CHD6: variants seen among roughly 807,000 people sequenced by gnomAD.
CHD6 encodes ATP-dependent chromatin remodeler CHD6.
CHD6 carries 50 observed loss-of-function variants against 276.9 expected under a neutral mutation model. The ratio of observed to expected loss-of-function variants is 0.18; its 90% CI spans 0.14 to 0.23. CHD6 has a LOEUF of 0.23. CHD6 is among the 10% of genes least tolerant of loss of function. The pLI, the probability that CHD6 is intolerant of heterozygous loss-of-function variation, is 1.00. For synonymous variants in CHD6, 1,173 were observed against 1,229.3 expected, an observed-to-expected ratio of 0.95 and a Z score of 0.96; for missense variants, 2,564 against 3,365.8, an observed-to-expected ratio of 0.76 and a Z score of 5.89.
chr20:41,510,503 A>G (rs866339740), intron 5 of CHD6, among the ~76,000 whole-genome samples: 18 of 152,340 alleles, frequency 1.2e-4, no homozygotes, highest in Middle Eastern at 6.8e-3. Context: ...ACCATGAATC[A>G]GGCCTCTCTC....
intron 16 of CHD6, among the ~76,000 whole-genome samples, chr20:41,480,174 T>C (rs1472311741): frequency 1.3e-5 from 2 of 151,944 alleles, no homozygotes; most frequent in African/African-American, 4.8e-5. Context: ...AGATCTGATT[T>C]AAGAGGAAAA....
At chr20:41,554,328 G>A (rs2045188907) in intron 1 of CHD6, among the ~76,000 whole-genome samples, 1 of 152,294 alleles carries the variant, frequency 6.6e-6, no homozygotes, top group South Asian at 2.1e-4. Context: ...ACACTGCCAG[G>A]AATGTGGGAA....
chr20:41,481,016 A>G (rs1385561766), intron 16 of CHD6, among the ~76,000 whole-genome samples: 1 of 152,002 alleles, frequency 6.6e-6, no homozygotes, highest in Non-Finnish European at 1.5e-5. Context: ...GGAGGCTGAG[A>G]TGGGAGGACC....
intron 2 of CHD6, among the ~76,000 whole-genome samples, chr20:41,538,790 A>C (rs1338214407): frequency 2.6e-5 from 4 of 152,312 alleles, no homozygotes; most frequent in African/African-American, 9.6e-5. Context: ...TTGCCTCAAC[A>C]TCCATTTTGG....
At chr20:41,615,780 T>C (rs1199256384) in intron 1 of CHD6, among the ~76,000 whole-genome samples, 2 of 152,226 alleles carry the variant, frequency 1.3e-5, no homozygotes, top group Non-Finnish European at 2.9e-5. Context: ...ATGAAAAACA[T>C]AGGCACCTAC....
rs1198024304 is a variant in CHD6 at position 41,445,549 on chromosome 20, T to C, written c.3877+116A>G. 1.2e-5 allele frequency: 8 copies of C among 644,980 alleles called. No homozygotes were observed. In the Admixed American group the frequency reaches 1.5e-4, roughly 12 times the overall value. 40.0% of individuals were successfully genotyped at this position (644,980 alleles called of 1,614,324 possible). On this transcript the variant is annotated intron_variant, in intron 25 of 36. Coordinates refer to ENST00000373233, the MANE Select transcript of CHD6 (RefSeq NM_032221.5). ...GTGAAGCTCTACTTTTTAAGATGAA[T>C]GTGTAACAGAATGATAGAGTTTTGC...
chr20:41,546,600 T>C (rs2045047878), intron 2 of CHD6, among the ~76,000 whole-genome samples: 1 of 152,228 alleles, frequency 6.6e-6, no homozygotes, highest in Admixed American at 6.5e-5. Context: ...ATTGTTTCGT[T>C]GTTGCTAACA....
intron 23 of CHD6, among the ~76,000 whole-genome samples, chr20:41,449,965 T>C (rs922162118): frequency 1.3e-5 from 2 of 152,218 alleles, no homozygotes; most frequent in Non-Finnish European, 2.9e-5. Context: ...TAAAATAATA[T>C]AGTACTAATA....
chr20:41,610,739 C>CA (rs1343743481), intron 1 of CHD6, among the ~76,000 whole-genome samples: 1 of 151,052 alleles, frequency 6.6e-6, no homozygotes, highest in African/African-American at 2.4e-5. Context: ...GCCTGGGTGA[C>CA]AGAGTGAGAC....
intron 3 of CHD6, among the ~76,000 whole-genome samples, chr20:41,530,879 C>T (rs1373564527): frequency 6.6e-6 from 1 of 152,212 alleles, no homozygotes; most frequent in African/African-American, 2.4e-5. Flanking sequence ...AAAGGTTCTG[C>T]TGTCTTCTAA....
chr20:41,425,109 C>T, intron 29 of CHD6, 69 bp downstream of exon 29: 2 of 1,258,198 alleles, frequency 1.6e-6, no homozygotes, highest in South Asian at 1.2e-5. Context: ...CTCCAAGCTA[C>T]CGGCTTTACC....
In CHD6 at chr20:41,489,807, G is replaced by C. The variant is rs2043506288; in HGVS notation, c.1651C>G (p.Gln551Glu). Residue 551 changes from glutamine (Q) to glutamate (E), a missense_variant, in exon 12 of 37, where the codon CAG becomes GAG. Gln to Glu is a conservative substitution (Grantham distance 29). Around this residue, in one of 7 missense-constraint regions of CHD6, gnomAD observed 457 missense variants for 889.0 expected, o/e 0.51. Transcript: ENST00000373233. Reference protein sequence around the residue: ...GSQISRQMIQQYEMVYRDAQG... With the variant: ...GSQISRQMIQEYEMVYRDAQG... ...GCGTCTCTGTACACCATTTCATACT[G>C]CTGGATCATCTGCCTGCTGATCTGG... The C allele has an allele frequency of 1.2e-6, 2 of 1,613,992 alleles. No individual in the cohort carries two copies. Among genetic ancestry groups the C allele is most frequent in the Non-Finnish European group, 1.7e-6 (2 of 1,179,918 alleles).
At chr20:41,502,444 T>G (rs144335128) in intron 5 of CHD6, among the ~76,000 whole-genome samples, 673 of 152,340 alleles carry the variant, frequency 4.4e-3, no homozygotes, top group Non-Finnish European at 7.2e-3. Context: ...TAGGCACATG[T>G]GGCTGATAGG....
chr20:41,440,054 T>C lies in CHD6; in HGVS notation c.3953A>G (p.Lys1318Arg). ...AACACCCTGTTCTGCAGAAAGGGAC[T>C]TCTCATCGGGCATCCCAACTTTCTC... ...FLEKVGMPDE[K>R]SLSAEQGVTD... Residue 1318 changes from lysine (K) to arginine (R), a missense_variant, in exon 26 of 37, where the codon AAG becomes AGG. Around this residue, in one of 7 missense-constraint regions of CHD6, gnomAD observed 515 missense variants for 739.5 expected, o/e 0.70. Coordinates refer to ENST00000373233, the MANE Select transcript of CHD6 (RefSeq NM_032221.5). The C allele has an allele frequency of 1.2e-6, 2 of 1,614,044 alleles. No individual in the cohort carries two copies.
intron 2 of CHD6, 31 bp downstream of exon 2, chr20:41,551,274 G>A (rs1372719278): frequency 1.4e-6 from 2 of 1,411,702 alleles, no homozygotes; most frequent in Non-Finnish European, 2.0e-6. Context: ...ATACCCGGAT[G>A]CATTCACTTA....
chr20:41,533,995 A>G (rs180812849), intron 2 of CHD6, among the ~76,000 whole-genome samples: 1 of 152,340 alleles, frequency 6.6e-6, no homozygotes, highest in Admixed American at 6.5e-5. Flanking sequence ...CTAAAATGGA[A>G]GTTGCAAAGC....
chr20:41,587,269 G>T (rs2045606047), intron 1 of CHD6, among the ~76,000 whole-genome samples: 1 of 152,156 alleles, frequency 6.6e-6, no homozygotes, highest in South Asian at 2.1e-4. Flanking sequence ...ATTAAGCATA[G>T]CCTTGTAATT....
intron 17 of CHD6, among the ~76,000 whole-genome samples, chr20:41,466,063 G>A (rs188229524): frequency 8.5e-5 from 13 of 152,216 alleles, no homozygotes; most frequent in Admixed American, 2.0e-4. Context: ...TTAGCTGGGC[G>A]TGGTGGCGCG....
rs146375089 is a variant in CHD6, at chr20:41,613,306, A to G, written c.-24+5034T>C. 9.8e-5 allele frequency among the ~76,000 whole-genome samples: 15 copies of G among 152,382 alleles called. No individual in the cohort carries two copies. In the East Asian group the frequency reaches 2.7e-3, roughly 27 times the overall value. On this transcript the variant is annotated intron_variant, in intron 1 of 36. Transcript: ENST00000373233. Reference sequence around the variant, plus strand: ...CTCCTAACATATTGAATGAAGCAATAGCAGAATTAGTAAGAAGCAGTATTC... The same window carrying G: ...CTCCTAACATATTGAATGAAGCAATGGCAGAATTAGTAAGAAGCAGTATTC...
Sources: allele counts gnomAD v4.1 joint callset (sites outside exome capture counted in the v4.1 genomes callset), GRCh38; gene constraint gnomAD v4.1.1; regional missense constraint gnomAD v4.1.1; transcripts MANE v1.5; gene names NCBI Gene and HGNC (gene_info 2026-07-23, HGNC 2026-07-21).